The following HPCAL1 variants were observed in gnomAD, a reference collection of about 807,000 sequenced individuals.
The protein encoded by HPCAL1 is hippocalcin-like protein 1.
In HPCAL1, 8 loss-of-function variants were observed where a neutral mutation model predicts 17.1. The ratio of observed to expected loss-of-function variants is 0.47; its 90% CI spans 0.27 to 0.84. The LOEUF is 0.84. HPCAL1 is among the 40% of genes least tolerant of loss of function. The pLI is 0.13. For synonymous variants in HPCAL1, 112 were observed against 111.4 expected (o/e 1.01, Z -0.03); for missense variants, 165 against 271.1 (o/e 0.61, Z 2.75).
At chr2:10,383,798 G>A (rs890321785) in intron 1 of HPCAL1, among the ~76,000 whole-genome samples, 3 of 152,174 alleles carry the variant, frequency 2.0e-5, no homozygotes, top group Non-Finnish European at 4.4e-5. Flanking sequence ...ATTCTTTGGT[G>A]TGTGCGGGGA....
chr2:10,332,259 T>A (rs540287382), intron 1 of HPCAL1, among the ~76,000 whole-genome samples: 2 of 152,210 alleles, frequency 1.3e-5, no homozygotes, highest in African/African-American at 4.8e-5. Flanking sequence ...TTCTTCCCCC[T>A]CCTTCTCCAT....
intron 1 of HPCAL1, among the ~76,000 whole-genome samples, chr2:10,345,560 G>A (rs895761641): frequency 1.3e-5 from 2 of 151,396 alleles, no homozygotes; most frequent in South Asian, 2.1e-4. Flanking sequence ...AGGCCCAAGC[G>A]ATTCTCCCAC....
chr2:10,357,819 G>A (rs1463372672), intron 1 of HPCAL1, among the ~76,000 whole-genome samples: 1 of 145,148 alleles, frequency 6.9e-6, no homozygotes, highest in African/African-American at 2.5e-5. Flanking sequence ...GGAAGCAGCA[G>A]TGACTTCTTT....
intron 1 of HPCAL1, among the ~76,000 whole-genome samples, chr2:10,356,662 C>T (rs926081673): frequency 2.6e-5 from 4 of 152,142 alleles, no homozygotes; most frequent in African/African-American, 4.8e-5. Flanking sequence ...CACCACCTGG[C>T]GCTTGGCCAA....
At chr2:10,383,101 G>A (rs1225795772) in intron 1 of HPCAL1, among the ~76,000 whole-genome samples, 3 of 152,204 alleles carry the variant, frequency 2.0e-5, no homozygotes, top group Non-Finnish European at 4.4e-5. Context: ...GGCTGGGCGC[G>A]GCGGCTCATG....
rs369655756 is a variant in HPCAL1 at position 10,426,828 on chromosome 2, G to A, written c.*7G>A. On this transcript the variant is annotated 3_prime_UTR_variant, in exon 5 of 5. Coordinates refer to ENST00000307845, the MANE Select transcript of HPCAL1 (RefSeq NM_002149.4). The stretch of plus-strand genomic sequence containing the variant: ...CAGTGCCAGTCAGTTCTGAGCGAGC[G>A]GCCCCTGGACAGTTGCAGAGAAACA... 55 of 1,610,930 alleles carry A rather than the reference G, an allele frequency of 3.4e-5. No individual in the cohort carries two copies. Among genetic ancestry groups the A allele is most frequent in the Admixed American group, 8.3e-5 (5 of 59,998 alleles).
chr2:10,345,834 A>G (rs1343884508), intron 1 of HPCAL1, among the ~76,000 whole-genome samples: 2 of 152,228 alleles, frequency 1.3e-5, no homozygotes, highest in African/African-American at 2.4e-5. Flanking sequence ...TGTAAAATAG[A>G]AAATATAAAG....
Position 10,348,612 on chromosome 2 carries a change from A to AAAT in HPCAL1, c.-111+45436_-111+45437insATA, listed in dbSNP as rs1553345144. 4.0e-4 allele frequency among the ~76,000 whole-genome samples: 60 copies of AAAT among 149,448 alleles called. 2 individuals carry two copies. The South Asian group carries it at 0.012, about 30-fold the overall frequency. On this transcript the variant is annotated intron_variant, in intron 1 of 4. Coordinates refer to ENST00000307845, the MANE Select transcript of HPCAL1 (RefSeq NM_002149.4). ...GATCCTGTCTCTACAAAAAAAAAAA[A>AAAT]ATATATATATATATAAATTAGCCAG...
intron 1 of HPCAL1, among the ~76,000 whole-genome samples, chr2:10,360,689 C>T (rs1032682370): frequency 9.2e-5 from 14 of 152,166 alleles, no homozygotes; most frequent in Admixed American, 6.5e-5. Context: ...CTGGCTTGAG[C>T]CACCATGCCG....
rs974581476 is a variant in HPCAL1, at chr2:10,377,123, T to A, written c.-110-19712T>A. On this transcript the variant is annotated intron_variant, in intron 1 of 4. Transcript: ENST00000307845. The surrounding 1 kb of genome is among the most constrained non-coding windows in gnomAD (Gnocchi z 5.9). ...CCCAAATTTGAAGGCAGTACTCTGT[T>A]CCTGGGTGTGCACCGTTAACTTCTT... is the stretch of plus-strand genomic sequence containing the variant. Among the ~76,000 whole-genome samples the A allele has an allele frequency of 6.6e-6, 1 of 152,198 alleles. No individual in the cohort carries two copies. The highest frequency in any genetic ancestry group is 1.5e-5 in the Non-Finnish European group (1 of 68,038).
intron 1 of HPCAL1, among the ~76,000 whole-genome samples, chr2:10,350,586 C>T (rs2125462340): frequency 6.6e-6 from 1 of 152,192 alleles, no homozygotes; most frequent in South Asian, 2.1e-4. Context: ...GCTAGTAAGC[C>T]ACCACACCCA....
rs548332133 is a variant in HPCAL1 at position 10,387,390 on chromosome 2, G to A, written c.-110-9445G>A. 4.6e-5 allele frequency among the ~76,000 whole-genome samples: 7 copies of A among 152,320 alleles called. No homozygotes were observed. The South Asian group carries it at 1.2e-3, about 27-fold the overall frequency. Reference sequence around the variant, plus strand: ...ACTGGCTCTAGCTGCTGTGGGGCACGTCCACGTGGAGAAGCGCTTGGTGTA... The same window carrying A: ...ACTGGCTCTAGCTGCTGTGGGGCACATCCACGTGGAGAAGCGCTTGGTGTA... On this transcript the variant is annotated intron_variant, in intron 1 of 4. Transcript: ENST00000307845.
intron 4 of HPCAL1, chr2:10,425,679 G>A (rs1671359365): frequency 6.6e-6 from 1 of 152,306 alleles, no homozygotes; most frequent in South Asian, 2.1e-4. Flanking sequence ...CCAGAGCCGA[G>A]AGCCCCTCCT....
In HPCAL1 at chr2:10,342,386, G is replaced by C. The variant is rs1420684831; in HGVS notation, c.-111+39209G>C. On this transcript the variant is annotated intron_variant, in intron 1 of 4. Coordinates refer to ENST00000307845, the MANE Select transcript of HPCAL1 (RefSeq NM_002149.4). The surrounding 1 kb of genome is among the most constrained non-coding windows in gnomAD (Gnocchi z 4.1). ...TGCCACAGCCCTGCTTCTGTGCGAG[G>C]CCAGTCAGTCTGGGTCCTGGGATAT... 6.6e-6 allele frequency among the ~76,000 whole-genome samples: 1 copy of C among 152,150 alleles called. No individual in the cohort carries two copies. The highest frequency in any genetic ancestry group is 2.4e-5 in the African/African-American group (1 of 41,434).
At chr2:10,386,569 G>A (rs1455375888) in intron 1 of HPCAL1, among the ~76,000 whole-genome samples, 1 of 152,162 alleles carries the variant, frequency 6.6e-6, no homozygotes, top group Non-Finnish European at 1.5e-5. Context: ...AGATGGCAGT[G>A]TGGGAGAGTC....
At position 10,344,222 on chromosome 2, in the gene HPCAL1, T is replaced by C. The variant is rs1665266422; in HGVS notation, c.-111+41045T>C. ...TCAGAGGACCCTGGGGACGTGGTCT[T>C]TGATGCTTGCTTTCCCCATAGGCAT... On this transcript the variant is annotated intron_variant, in intron 1 of 4. Coordinates refer to ENST00000307845, the MANE Select transcript of HPCAL1 (RefSeq NM_002149.4). This position sits in a 1 kb window ranked among gnomAD's most constrained non-coding sequence, Gnocchi z 4.9. Among the ~76,000 whole-genome samples, 1 of 152,168 alleles carries C rather than the reference T, an allele frequency of 6.6e-6. No individual in the cohort carries two copies. The highest frequency in any genetic ancestry group is 6.5e-5 in the Admixed American group (1 of 15,284).
chr2:10,386,177 G>A (rs1668297361), intron 1 of HPCAL1, among the ~76,000 whole-genome samples: 1 of 152,188 alleles, frequency 6.6e-6, no homozygotes, highest in African/African-American at 2.4e-5. Flanking sequence ...GTTTAGACAT[G>A]TGCCTTCCAT....
At chr2:10,332,306 T>G (rs1237959906) in intron 1 of HPCAL1, among the ~76,000 whole-genome samples, 2 of 152,218 alleles carry the variant, frequency 1.3e-5, no homozygotes, top group Non-Finnish European at 2.9e-5. Flanking sequence ...CCATTTAAGC[T>G]TCATTTGAGT....
At chr2:10,413,307 C>T (rs1315127656) in intron 2 of HPCAL1, among the ~76,000 whole-genome samples, 7 of 152,352 alleles carry the variant, frequency 4.6e-5, no homozygotes, top group East Asian at 3.9e-4. Context: ...CCTTGCATTC[C>T]GAAAGTGGGT....
Sources: allele counts gnomAD v4.1 joint callset (sites outside exome capture counted in the v4.1 genomes callset), GRCh38; gene constraint gnomAD v4.1.1; non-coding constraint Gnocchi (gnomAD v3.1); transcripts MANE v1.5; gene names NCBI Gene and HGNC (gene_info 2026-07-23, HGNC 2026-07-21).